The following ELAVL2 variants were observed in gnomAD, a reference collection of about 807,000 sequenced individuals.
The protein encoded by ELAVL2 is ELAV like RNA binding protein 2.
ELAVL2 carries 4 observed loss-of-function variants against 34.6 expected under a neutral mutation model. That is an observed-to-expected ratio of 0.12 (90% CI 0.06 to 0.26). The LOEUF is 0.26. Ranked by LOEUF, ELAVL2 falls within the 10% of genes least tolerant of loss-of-function variation. The pLI is 1.00. For missense variants in ELAVL2, 432 were observed against 442.8 expected (o/e 0.98, Z 0.22); for synonymous variants, 193 against 154.8 (o/e 1.25, Z -1.83).
intron 3 of ELAVL2, among the ~76,000 whole-genome samples, chr9:23,711,707 C>G (rs953304171): frequency 2.0e-5 from 3 of 152,146 alleles, no homozygotes; most frequent in African/African-American, 4.8e-5. Flanking sequence ...GCCTTGTTTT[C>G]TTAAATACTG....
At chr9:23,808,339 G>T (rs766393203) in intron 1 of ELAVL2, among the ~76,000 whole-genome samples, 52 of 151,952 alleles carry the variant, frequency 3.4e-4, no homozygotes, top group Non-Finnish European at 6.0e-4. Context: ...ATATCAGCAG[G>T]GAGTATACTG....
chr9:23,745,891 C>A (rs2050364070), intron 2 of ELAVL2, among the ~76,000 whole-genome samples: 1 of 152,122 alleles, frequency 6.6e-6, no homozygotes, highest in African/African-American at 2.4e-5. Flanking sequence ...ATGAAACATT[C>A]AAAAAGACCT....
chr9:23,695,635 G>T (rs1258144711), intron 5 of ELAVL2, among the ~76,000 whole-genome samples: 2 of 152,062 alleles, frequency 1.3e-5, no homozygotes, highest in Non-Finnish European at 2.9e-5. Context: ...ATATGGTATG[G>T]GCTATGGCTC....
intron 1 of ELAVL2, among the ~76,000 whole-genome samples, chr9:23,819,681 CAA>C (rs2064250842): frequency 6.6e-6 from 1 of 152,108 alleles, no homozygotes; most frequent in Non-Finnish European, 1.5e-5. Context: ...GGTGGCAGCA[CAA>C]AGTTACCCAA....
At chr9:23,849,181 A>G in the ELAVL2 span, among the ~76,000 whole-genome samples, 1 of 152,198 alleles carries the variant, frequency 6.6e-6, no homozygotes, top group African/African-American at 2.4e-5. Context: ...ATTTAAAAAC[A>G]AAAGGGATTA....
In ELAVL2 at chr9:23,761,988, C is replaced by A. The variant is rs745987260; in HGVS notation, c.229+18G>T. On this transcript the variant is annotated intron_variant, in intron 2 of 6. Coordinates refer to ENST00000397312, the MANE Select transcript of ELAVL2 (RefSeq NM_004432.5). ...ACACGATCCGTTAAATATAAATCAT[C>A]TACATAAAACTGCTTACCTGTTATT... 2 of 1,593,810 alleles carry A rather than the reference C, an allele frequency of 1.3e-6. No homozygotes were observed. The highest frequency in any genetic ancestry group is 1.7e-6 in the Non-Finnish European group (2 of 1,168,630).
At chr9:23,821,478 A>C (rs2064710417) in intron 1 of ELAVL2, 1 of 152,236 alleles carries the variant, frequency 6.6e-6, no homozygotes, top group South Asian at 2.1e-4. Flanking sequence ...CAGAGTTCGG[A>C]CTAGGGCGCA....
chr9:23,706,163 C>T (rs1424886047), intron 3 of ELAVL2, among the ~76,000 whole-genome samples: 1 of 152,184 alleles, frequency 6.6e-6, no homozygotes, highest in African/African-American at 2.4e-5. Flanking sequence ...TTGCCTGCCA[C>T]TGTATGTACT....
intron 2 of ELAVL2, among the ~76,000 whole-genome samples, chr9:23,760,090 A>T (rs2135950403): frequency 6.6e-6 from 1 of 151,996 alleles, no homozygotes; most frequent in East Asian, 1.9e-4. Flanking sequence ...GAGGCAAAGG[A>T]GGTGAAGATA....
chr9:23,796,487 G>A (rs1052329808), intron 1 of ELAVL2, among the ~76,000 whole-genome samples: 2 of 152,224 alleles, frequency 1.3e-5, no homozygotes, highest in Non-Finnish European at 2.9e-5. Flanking sequence ...CTCGAGGAAA[G>A]CAAAATACTG....
At chr9:23,771,051 T>C (rs1359730145) in intron 1 of ELAVL2, among the ~76,000 whole-genome samples, 1 of 152,132 alleles carries the variant, frequency 6.6e-6, no homozygotes, top group East Asian at 1.9e-4. Context: ...AAGAGTAGCA[T>C]GTGGCTACTG....
intron 1 of ELAVL2, among the ~76,000 whole-genome samples, chr9:23,819,472 C>G (rs1439317369): frequency 6.6e-6 from 1 of 152,124 alleles, no homozygotes; most frequent in African/African-American, 2.4e-5. Context: ...GGTACTTGCT[C>G]TAAACAAGAA....
rs370169435 is a variant in ELAVL2 at position 23,765,997 on chromosome 9, T to TGC, written c.-15-3750_-15-3749dup. Among the ~76,000 whole-genome samples the TGC allele has an allele frequency of 2.6e-3, 394 of 152,308 alleles. 1 individual carries two copies. The highest frequency in any genetic ancestry group is 8.2e-3 in the African/African-American group (340 of 41,568). On this transcript the variant is annotated intron_variant, in intron 1 of 6. Transcript: ENST00000397312. ...CAAAGTTTACTTTTTTTGCCATATA[T>TGC]GCAGATGCTTCAAATGGTCAATATA...
chr9:23,707,158 T>C (rs965183630), intron 3 of ELAVL2, among the ~76,000 whole-genome samples: 3 of 152,198 alleles, frequency 2.0e-5, no homozygotes, highest in African/African-American at 7.2e-5. Context: ...GGAACTTAAA[T>C]GTAAGTGAAG....
intron 1 of ELAVL2, among the ~76,000 whole-genome samples, chr9:23,798,735 T>C (rs1294946273): frequency 2.0e-5 from 3 of 152,140 alleles, no homozygotes; most frequent in Admixed American, 6.5e-5. Flanking sequence ...CTAAAAGCTA[T>C]ACACCTAGGT....
chr9:23,828,496 A>G (rs981564572), upstream of ELAVL2, among the ~76,000 whole-genome samples: 2 of 152,194 alleles, frequency 1.3e-5, no homozygotes, highest in African/African-American at 4.8e-5. Flanking sequence ...GACAGGTGTG[A>G]AAAGCTGGGA....
chr9:23,801,995 A>G (rs546604811), intron 1 of ELAVL2, among the ~76,000 whole-genome samples: 1 of 152,188 alleles, frequency 6.6e-6, no homozygotes, highest in African/African-American at 2.4e-5. Flanking sequence ...TGAAATAAAT[A>G]CAGTGGAAGA....
At chr9:23,728,614 C>T (rs754947921) in intron 3 of ELAVL2, among the ~76,000 whole-genome samples, 20 of 151,878 alleles carry the variant, frequency 1.3e-4, no homozygotes, top group South Asian at 2.1e-4. Flanking sequence ...ATAGATTAGA[C>T]GAGGGAAAAA....
chr9:23,818,636 G>C (rs1370021035), intron 1 of ELAVL2, among the ~76,000 whole-genome samples: 3 of 152,124 alleles, frequency 2.0e-5, no homozygotes, highest in Admixed American at 2.0e-4. Context: ...CAACAAAAAA[G>C]TAACCAAACC....
Sources: allele counts gnomAD v4.1 joint callset (sites outside exome capture counted in the v4.1 genomes callset), GRCh38; gene constraint gnomAD v4.1.1; transcripts MANE v1.5; gene names NCBI Gene and HGNC (gene_info 2026-07-23, HGNC 2026-07-21).